The following RGS6 variants were observed in gnomAD, a reference collection of about 807,000 sequenced individuals.
RGS6 encodes the protein regulator of G-protein signaling 6.
A neutral mutation model predicts 78.5 loss-of-function variants in RGS6; 30 were observed. The ratio of observed to expected loss-of-function variants is 0.38; its 90% CI spans 0.29 to 0.52. The LOEUF (loss-of-function observed/expected upper bound fraction) is 0.52, where lower values mean the gene tolerates loss of function less well. Ranked by LOEUF, RGS6 falls within the 20% of genes least tolerant of loss-of-function variation. RGS6 has a pLI of 0.85. For missense variants in RGS6, 495 were observed against 609.7 expected, an observed-to-expected ratio of 0.81 and a Z score of 1.98; for synonymous variants, 206 against 206.0, an observed-to-expected ratio of 1.00 and a Z score of 0.00.
intron 3 of RGS6, among the ~76,000 whole-genome samples, chr14:72,355,138 TA>T (rs2079975608): frequency 6.6e-6 from 1 of 152,050 alleles, no homozygotes; most frequent in African/African-American, 2.4e-5. Context: ...ATTGTCCCTT[TA>T]ATCCAGGTTT....
chr14:72,017,736 G>A (rs1243275545), intron 2 of RGS6, among the ~76,000 whole-genome samples: 1 of 152,092 alleles, frequency 6.6e-6, no homozygotes, highest in Non-Finnish European at 1.5e-5. Flanking sequence ...TGGGTTGGTT[G>A]ATGTGTGCCT....
At chr14:72,539,942 ATTC>A (rs1057129812) in intron 16 of RGS6, 96 bp from the exon 17 acceptor site, 50 of 1,085,356 alleles carry the variant, frequency 4.6e-5, no homozygotes, top group Admixed American at 2.4e-4. Flanking sequence ...GGTTTTTGTT[ATTC>A]TTTAGCTGCA....
intron 2 of RGS6, among the ~76,000 whole-genome samples, chr14:71,978,745 C>A (rs192868266): frequency 1.1e-4 from 17 of 152,232 alleles, no homozygotes; most frequent in African/African-American, 3.9e-4. Context: ...GTGTCTCTGC[C>A]AGGCTTTGGT....
chr14:72,204,136 T>A (rs939197276), intron 2 of RGS6, among the ~76,000 whole-genome samples: 1 of 152,200 alleles, frequency 6.6e-6, no homozygotes, highest in African/African-American at 2.4e-5. Flanking sequence ...TTGTAACCAC[T>A]TTTAGGTGTG....
At chr14:72,481,841 C>A (rs1443408423) in intron 12 of RGS6, among the ~76,000 whole-genome samples, 4 of 114,704 alleles carry the variant, frequency 3.5e-5, no homozygotes, top group Admixed American at 3.3e-4. Context: ...CGGAGTCTTG[C>A]TTTGTTGCCC....
At chr14:71,987,500 T>C (rs567885546) in intron 2 of RGS6, among the ~76,000 whole-genome samples, 1 of 152,342 alleles carries the variant, frequency 6.6e-6, no homozygotes, top group African/African-American at 2.4e-5. Context: ...GGCTTCCTTA[T>C]AGGACTATTT....
rs538417211 is a variant in RGS6, at chr14:72,364,517, C to A, written c.184+12323C>A. Among the ~76,000 whole-genome samples the A allele has an allele frequency of 2.7e-4, 41 of 152,328 alleles. 1 individual carries two copies. The South Asian group carries it at 8.5e-3, about 32-fold the overall frequency. ...TAGCCAGTTTCCCATCACAAACCAG[C>A]AGATACCAGCAGATACTCCAACATT... On this transcript the variant is annotated intron_variant, in intron 3 of 17. Coordinates refer to ENST00000553525, the MANE Select transcript of RGS6 (RefSeq NM_001204424.2).
the RGS6 span, among the ~76,000 whole-genome samples, chr14:72,585,653 G>T: frequency 3.9e-5 from 6 of 152,242 alleles, no homozygotes; most frequent in African/African-American, 9.6e-5. Context: ...CAAGATGGCT[G>T]TCTTCAGCCA....
chr14:72,407,843 G>A (rs1355675784), intron 3 of RGS6, among the ~76,000 whole-genome samples: 1 of 152,160 alleles, frequency 6.6e-6, no homozygotes, highest in African/African-American at 2.4e-5. Flanking sequence ...CTTGACTTGT[G>A]TTTTACTTTT....
the RGS6 span, among the ~76,000 whole-genome samples, chr14:72,621,874 A>G: frequency 3.3e-5 from 5 of 152,320 alleles, no homozygotes; most frequent in South Asian, 4.1e-4. Context: ...CAGCCACCCA[A>G]TGGGACATGG....
At chr14:72,377,518 G>T (rs1014572927) in intron 3 of RGS6, among the ~76,000 whole-genome samples, 1 of 152,164 alleles carries the variant, frequency 6.6e-6, no homozygotes, top group African/African-American at 2.4e-5. Flanking sequence ...AGAAACATCA[G>T]ATTTAAACTG....
At chr14:72,420,487 A>C (rs1055008591) in intron 3 of RGS6, among the ~76,000 whole-genome samples, 2 of 152,168 alleles carry the variant, frequency 1.3e-5, no homozygotes. Flanking sequence ...ATAATTTGTG[A>C]GGTCTGGTAT....
intron 2 of RGS6, among the ~76,000 whole-genome samples, chr14:72,070,517 T>G (rs1358953563): frequency 6.6e-6 from 1 of 152,234 alleles, no homozygotes; most frequent in Non-Finnish European, 1.5e-5. Context: ...GGAATGTAGC[T>G]TGACTTACTG....
chr14:72,612,927 C>G, the RGS6 span, among the ~76,000 whole-genome samples: 4 of 152,068 alleles, frequency 2.6e-5, no homozygotes, highest in Non-Finnish European at 5.9e-5. Flanking sequence ...CCTTGCCTGG[C>G]AGCCCCTGGC....
intron 3 of RGS6, among the ~76,000 whole-genome samples, chr14:72,411,350 C>T (rs537089123): frequency 3.3e-5 from 5 of 152,138 alleles, no homozygotes; most frequent in African/African-American, 1.2e-4. Context: ...TGGGAGTTCA[C>T]TCATGATTTG....
the RGS6 span, among the ~76,000 whole-genome samples, chr14:72,573,717 C>A: frequency 6.6e-6 from 1 of 152,204 alleles, no homozygotes; most frequent in East Asian, 1.9e-4. Context: ...TCTAAGCCAG[C>A]TCCAACCCCT....
intron 2 of RGS6, among the ~76,000 whole-genome samples, chr14:72,057,988 T>C (rs2093701304): frequency 6.6e-6 from 1 of 152,198 alleles, no homozygotes; most frequent in African/African-American, 2.4e-5. Flanking sequence ...ATGACATATC[T>C]GAGTGACTGC....
At chr14:71,915,094 CAAAA>C in the RGS6 span, among the ~76,000 whole-genome samples, 58 of 128,196 alleles carry the variant, frequency 4.5e-4, no homozygotes, top group Non-Finnish European at 8.8e-4. Context: ...GTAAACATAA[CAAAA>C]AAAAAAAAAA....
intron 2 of RGS6, among the ~76,000 whole-genome samples, chr14:72,295,581 T>TA (rs1453993478): frequency 6.6e-6 from 1 of 152,212 alleles, no homozygotes; most frequent in African/African-American, 2.4e-5. Context: ...CAACATTTTT[T>TA]ACCAGGTTTT....
Sources: gnomAD v4.1 joint callset for allele counts (sites outside exome capture counted in the v4.1 genomes callset) on GRCh38, gnomAD v4.1.1 for gene constraint, MANE v1.5 for transcripts, NCBI Gene and HGNC (gene_info 2026-07-23, HGNC 2026-07-21) for gene names.